Variants in GRM7 observed in about 807,000 individuals in gnomAD.
GRM7 encodes glutamate metabotropic receptor 7, also known as metabotropic glutamate receptor 7.
A neutral mutation model predicts 84.5 loss-of-function variants in GRM7; 35 were observed. The ratio of observed to expected loss-of-function variants is 0.41; its 90% CI spans 0.32 to 0.55. The LOEUF (loss-of-function observed/expected upper bound fraction) is 0.55, where lower values mean the gene tolerates loss of function less well. Among genes scored for constraint, GRM7 ranks in the 20% least tolerant of loss-of-function variants. GRM7 has a pLI of 0.19. For synonymous variants in GRM7, 487 were observed against 455.1 expected, an observed-to-expected ratio of 1.07 and a Z score of -0.89; for missense variants, 1,003 against 1,194.6, an observed-to-expected ratio of 0.84 and a Z score of 2.36.
intron 1 of GRM7, among the ~76,000 whole-genome samples, chr3:6,943,063 G>A (rs562763238): frequency 2.0e-5 from 3 of 151,944 alleles, no homozygotes; most frequent in South Asian, 2.1e-4. Flanking sequence ...TGGTAAGTTG[G>A]TTCCTTATTG....
At chr3:7,682,083 C>G (rs1388433622) in intron 9 of GRM7, 2 of 152,106 alleles carry the variant, frequency 1.3e-5, no homozygotes, top group Non-Finnish European at 1.5e-5. Context: ...CGCCTGTAAT[C>G]CCAGCACTTT....
At chr3:7,302,008 G>T (rs1177884885) in intron 3 of GRM7, among the ~76,000 whole-genome samples, 2 of 152,056 alleles carry the variant, frequency 1.3e-5, no homozygotes, top group African/African-American at 4.8e-5. Context: ...GACAAGCGTG[G>T]ATTCTTTTTC....
At chr3:7,576,903 T>C (rs890522563) in intron 7 of GRM7, among the ~76,000 whole-genome samples, 2 of 152,204 alleles carry the variant, frequency 1.3e-5, no homozygotes, top group African/African-American at 2.4e-5. Flanking sequence ...GCTTACATAA[T>C]GTCATAGTCT....
chr3:7,151,411 C>G lies in GRM7; in HGVS notation c.736+4743C>G, dbSNP rs970931969. ...GACAGAGCAAGACTCTGTCTCAAAA[C>G]AAACAACAAACAAACAAACAAACAT... On this transcript the variant is annotated intron_variant, in intron 2 of 9. Coordinates refer to ENST00000357716, the MANE Select transcript of GRM7 (RefSeq NM_000844.4). This position sits in a 1 kb window ranked among gnomAD's most constrained non-coding sequence, Gnocchi z 4.5. Among the ~76,000 whole-genome samples, 1 of 152,028 alleles carries G rather than the reference C, an allele frequency of 6.6e-6. No individual in the cohort carries two copies. Among genetic ancestry groups the G allele is most frequent in the African/African-American group, 2.4e-5 (1 of 41,400 alleles).
intron 8 of GRM7, among the ~76,000 whole-genome samples, chr3:7,651,879 C>G (rs1185675313): frequency 6.6e-6 from 1 of 152,180 alleles, no homozygotes; most frequent in African/African-American, 2.4e-5. Flanking sequence ...CTTCCTTCCC[C>G]CAGCCAAGCC....
intron 4 of GRM7, among the ~76,000 whole-genome samples, chr3:7,330,606 T>G (rs985024155): frequency 6.6e-6 from 1 of 152,166 alleles, no homozygotes; most frequent in African/African-American, 2.4e-5. Flanking sequence ...TCTCAGAAGA[T>G]CTGATGGCTT....
chr3:7,378,864 T>C (rs1392681599), intron 4 of GRM7, among the ~76,000 whole-genome samples: 1 of 152,186 alleles, frequency 6.6e-6, no homozygotes, highest in Non-Finnish European at 1.5e-5. Context: ...CCAGACATCC[T>C]ACTTTTTCTC....
intron 1 of GRM7, among the ~76,000 whole-genome samples, chr3:6,899,344 A>G (rs1696306006): frequency 6.6e-6 from 1 of 152,214 alleles, no homozygotes; most frequent in Admixed American, 6.5e-5. Flanking sequence ...ATTACAGGGC[A>G]TGTAAAATAT....
chr3:7,694,203 C>T (rs1700929825), intron 9 of GRM7, among the ~76,000 whole-genome samples: 1 of 152,126 alleles, frequency 6.6e-6, no homozygotes, highest in South Asian at 2.1e-4. Flanking sequence ...TCTAAATTTC[C>T]TCATCTGCAA....
At chr3:7,527,915 G>A (rs1575455136) in intron 7 of GRM7, among the ~76,000 whole-genome samples, 1 of 151,938 alleles carries the variant, frequency 6.6e-6, no homozygotes, top group Non-Finnish European at 1.5e-5. Context: ...TGTGCTTCTG[G>A]TTTCATTTTG....
chr3:7,005,922 G>A (rs1252681373), intron 1 of GRM7, among the ~76,000 whole-genome samples: 1 of 152,148 alleles, frequency 6.6e-6, no homozygotes, highest in African/African-American at 2.4e-5. Context: ...TGTTTCTGAG[G>A]AATGCTCAGA....
intron 8 of GRM7, among the ~76,000 whole-genome samples, chr3:7,587,870 C>A (rs1695589407): frequency 6.6e-6 from 1 of 152,102 alleles, no homozygotes; most frequent in Non-Finnish European, 1.5e-5. Context: ...TGGCAGTCAC[C>A]TATGGTACCT....
intron 2 of GRM7, among the ~76,000 whole-genome samples, chr3:7,216,226 T>C (rs1357266821): frequency 6.6e-6 from 1 of 152,192 alleles, no homozygotes; most frequent in Non-Finnish European, 1.5e-5. Context: ...TTTTTGGAAT[T>C]TAGAAGCTGC....
At chr3:7,198,403 G>C (rs1313690017) in intron 2 of GRM7, among the ~76,000 whole-genome samples, 4 of 152,080 alleles carry the variant, frequency 2.6e-5, no homozygotes, top group Non-Finnish European at 4.4e-5. Flanking sequence ...AGGCTTCTAG[G>C]GTACTGATAA....
At chr3:7,333,797 A>G (rs918458298) in intron 4 of GRM7, among the ~76,000 whole-genome samples, 12 of 152,218 alleles carry the variant, frequency 7.9e-5, no homozygotes, top group African/African-American at 2.9e-4. Flanking sequence ...AAATAAAGAC[A>G]CACTTAGAAA....
chr3:7,295,649 C>G (rs745754236), intron 2 of GRM7, among the ~76,000 whole-genome samples: 1 of 152,084 alleles, frequency 6.6e-6, no homozygotes, highest in East Asian at 1.9e-4. Context: ...GCACACAGAC[C>G]TTGTACATAT....
chr3:6,896,378 C>G (rs184282720), intron 1 of GRM7, among the ~76,000 whole-genome samples: 8 of 152,274 alleles, frequency 5.3e-5, no homozygotes, highest in African/African-American at 1.9e-4. Flanking sequence ...CCTATCATTT[C>G]ATAAAATGAA....
intron 8 of GRM7, among the ~76,000 whole-genome samples, chr3:7,662,213 G>A (rs551121597): frequency 6.6e-6 from 1 of 152,330 alleles, no homozygotes; most frequent in African/African-American, 2.4e-5. Flanking sequence ...AGAATTTGCA[G>A]TGAGCAAAAG....
At chr3:6,954,916 G>A (rs1300434248) in intron 1 of GRM7, among the ~76,000 whole-genome samples, 1 of 152,174 alleles carries the variant, frequency 6.6e-6, no homozygotes, top group Non-Finnish European at 1.5e-5. Flanking sequence ...TTATGTCTAG[G>A]TTTTGTTGCT....
Sources: allele counts gnomAD v4.1 joint callset (sites outside exome capture counted in the v4.1 genomes callset), GRCh38; gene constraint gnomAD v4.1.1; non-coding constraint Gnocchi (gnomAD v3.1); transcripts MANE v1.5; gene names NCBI Gene and HGNC (gene_info 2026-07-23, HGNC 2026-07-21).